Variants in TPI1 observed in about 807,000 individuals in gnomAD.
The protein encoded by TPI1 is triosephosphate isomerase.
In TPI1, 11 loss-of-function variants were observed where a neutral mutation model predicts 31.0. The observed-to-expected ratio is 0.36, with a 90% confidence interval of 0.22 to 0.59. TPI1 has a LOEUF of 0.59. TPI1 is among the 20% of genes least tolerant of loss of function. TPI1 has a pLI of 0.79. For synonymous variants in TPI1, 121 were observed against 122.8 expected (o/e 0.99, Z 0.10); for missense variants, 245 against 319.7 (o/e 0.77, Z 1.78).
chr12:6,868,803 A>G, intron 1 of TPI1, 61 bp from the exon 2 acceptor site: 1 of 1,574,002 alleles, frequency 6.4e-7, no homozygotes, highest in Non-Finnish European at 8.6e-7. Flanking sequence ...ACTGGTTAGG[A>G]ATTGTGGGGA....
At position 6,867,614 on chromosome 12, in the gene TPI1, C is replaced by A. The variant is rs1944485338; in HGVS notation, c.48C>A (p.Asn16Lys). ...KFFVGGNWKM[N>K]GRKQSLGELI... The stretch of plus-strand genomic sequence containing the variant: ...TCGTTGGGGGAAACTGGAAGATGAA[C>A]GGGCGGAAGCAGAGTCTGGGGGAGC... Residue 16 changes from asparagine (N) to lysine (K), a missense_variant, in exon 1 of 7, where the codon AAC becomes AAA. This residue lies in a region of TPI1 where 95 missense variants were observed against 96.4 expected (regional missense o/e 0.99). Transcript: ENST00000396705. The A allele has an allele frequency of 6.2e-7, 1 of 1,612,968 alleles. No homozygotes were observed.
chr12:6,868,096 C>G, intron 1 of TPI1: 2 of 1,264,498 alleles, frequency 1.6e-6, no homozygotes, highest in Middle Eastern at 3.4e-4. Context: ...CGCACGTAGC[C>G]CCAGACTCCT....
At position 6,870,517 on chromosome 12, in the gene TPI1, C is replaced by T. The variant is rs782308993; in HGVS notation, c.*134C>T. ...TCCTGTGGCCTCATCCAAACTGTAT[C>T]TTCCTTTACTGTTTATATCTTCACC... is the stretch of plus-strand genomic sequence containing the variant. On this transcript the variant is annotated 3_prime_UTR_variant, in exon 7 of 7. Coordinates refer to ENST00000396705, the MANE Select transcript of TPI1 (RefSeq NM_000365.6). The T allele has an allele frequency of 2.1e-5, 17 of 798,246 alleles. No homozygotes were observed. Among genetic ancestry groups the T allele is most frequent in the Non-Finnish European group, 3.2e-5 (14 of 436,280 alleles). 49.4% of individuals were successfully genotyped at this position (798,246 alleles called of 1,614,324 possible).
At chr12:6,869,623 G>T in intron 4 of TPI1, 65 bp from the exon 5 acceptor site, 1 of 1,590,248 alleles carries the variant, frequency 6.3e-7, no homozygotes, top group East Asian at 2.2e-5. Context: ...TTCGTACTCC[G>T]GAGAACCTGG....
upstream of TPI1, chr12:6,867,476 G>A (rs1344931620): frequency 6.5e-7 from 1 of 1,534,524 alleles, no homozygotes; most frequent in Non-Finnish European, 8.8e-7. Flanking sequence ...ACGGCGAGGA[G>A]GCGGAGTTCC....
At chr12:6,867,757 G>A in intron 1 of TPI1, 76 bp downstream of exon 1, 2 of 1,346,936 alleles carry the variant, frequency 1.5e-6, no homozygotes, top group African/African-American at 1.5e-5. Flanking sequence ...CCTCTCCCGA[G>A]GCCCCGAGGC....
chr12:6,870,127 A>G lies in TPI1; in HGVS notation c.622A>G (p.Ile208Val), dbSNP rs1335897607. The stretch of plus-strand genomic sequence containing the variant: ...TGCGGTGGCTCAGAGCACCCGTATC[A>G]TTTATGGAGGTGAGTGGCTTTGGTT... The part of the protein sequence containing the change: ...SDAVAQSTRI[I>V]YGGSVTGATC... Residue 208 changes from isoleucine to valine, a missense_variant, in exon 6 of 7, where the codon ATT becomes GTT. Ile to Val is a conservative substitution (Grantham distance 29). Around this residue, in one of 3 missense-constraint regions of TPI1, gnomAD observed 127 missense variants for 163.7 expected, o/e 0.78. Transcript: ENST00000396705. 6.2e-7 allele frequency: 1 copy of G among 1,614,144 alleles called. No homozygotes were observed. The highest frequency in any genetic ancestry group is 8.5e-7 in the Non-Finnish European group (1 of 1,179,978).
chr12:6,869,778 C>G lies in TPI1; in HGVS notation c.543+5C>G, dbSNP rs782153322. On this transcript the variant is annotated splice_donor_5th_base_variant and intron_variant, in intron 5 of 6. Transcript: ENST00000396705. The stretch of plus-strand genomic sequence containing the variant: ...AAGACTGCAACACCCCAACAGGTAA[C>G]CGGGCCCAGGAGCCCTGCCCTCATC... 1.3e-4 allele frequency: 214 copies of G among 1,614,018 alleles called. 1 individual carries two copies. In the East Asian group the frequency reaches 4.6e-3, roughly 35 times the overall value.
rs782436235 is a variant in TPI1 at position 6,870,436 on chromosome 12, G to A, written c.*53G>A. The A allele has an allele frequency of 2.2e-6, 3 of 1,387,262 alleles. No homozygotes were observed. Among genetic ancestry groups the A allele is most frequent in the East Asian group, 4.6e-5 (2 of 43,848 alleles). The allele number at this position is 1,387,262 out of a possible 1,614,324, so 85.9% of individuals were successfully genotyped here. A position where few individuals can be genotyped will look rare whatever the true frequency, so the allele number is the denominator to read the frequency against. ...GCCAAGCCAGGGACTAAGCAGCCCA[G>A]AAGCCCAGTAACTGCCCTTTCCCTG... On this transcript the variant is annotated 3_prime_UTR_variant, in exon 7 of 7. Transcript: ENST00000396705.
chr12:6,867,659 G>C lies in TPI1; in HGVS notation c.93G>C (p.Ala31=). The part of the protein sequence containing the change: ...SLGELIGTLN[A]AKVPADTEVV... ...GGGAGCTCATCGGCACTCTGAACGC[G>C]GCCAAGGTGCCGGCCGACACCGGTA... Residue 31 remains alanine (A), a synonymous_variant, in exon 1 of 7, where the codon GCG becomes GCC. Transcript: ENST00000396705. 1 of 1,610,496 alleles carries C rather than the reference G, an allele frequency of 6.2e-7. No individual in the cohort carries two copies. Among genetic ancestry groups the C allele is most frequent in the Non-Finnish European group, 8.5e-7 (1 of 1,178,828 alleles).
Position 6,867,562 on chromosome 12 carries a change from G to T in TPI1, c.-5G>T, listed in dbSNP as rs1829205916. On this transcript the variant is annotated 5_prime_UTR_variant, in exon 1 of 7. Transcript: ENST00000396705. ...ACTGACCTTCAGCGCCTCGGCTCCA[G>T]CGCCATGGCGCCCTCCAGGAAGTTC... is the stretch of plus-strand genomic sequence containing the variant. 3.1e-6 allele frequency: 5 copies of T among 1,611,990 alleles called. No individual in the cohort carries two copies. The highest frequency in any genetic ancestry group is 4.5e-5 in the East Asian group (2 of 44,850).
In TPI1 at chr12:6,868,866, G is replaced by T. The variant is rs782778927; in HGVS notation, c.118G>T (p.Val40Leu). ...NAAKVPADTEVVCAPPTAYID... is the reference protein window; with the variant it reads ...NAAKVPADTELVCAPPTAYID... ...CTGTGGTACCATCTTGTCCTCAGAG[G>T]TGGTTTGTGCTCCCCCTACTGCCTA... The change falls in exon 2 of 7, where the codon GTG becomes TTG. Residue 40 changes from valine (V) to leucine (L), a missense_variant and splice_region_variant. Val to Leu is a conservative substitution (Grantham distance 32, BLOSUM62 1). This residue lies in a region of TPI1 where 95 missense variants were observed against 96.4 expected (regional missense o/e 0.99). Coordinates refer to ENST00000396705, the MANE Select transcript of TPI1 (RefSeq NM_000365.6). The T allele has an allele frequency of 6.2e-7, 1 of 1,612,750 alleles. No homozygotes were observed. The highest frequency in any genetic ancestry group is 1.1e-5 in the South Asian group (1 of 90,908).
chr12:6,868,222 C>G, intron 1 of TPI1: 1 of 1,287,824 alleles, frequency 7.8e-7, no homozygotes, highest in Non-Finnish European at 1.0e-6. Context: ...CGGAAGGGAC[C>G]GAGCCCGTGC....
In TPI1 at chr12:6,870,934, G is replaced by T; in HGVS notation, c.*551G>T. 1.5e-6 allele frequency: 1 copy of T among 666,648 alleles called. No individual in the cohort carries two copies. Among genetic ancestry groups the T allele is most frequent in the Non-Finnish European group, 2.7e-6 (1 of 367,196 alleles). The allele number at this position is 666,648 out of a possible 1,614,324, so 41.3% of individuals were successfully genotyped here. A position where few individuals can be genotyped will look rare whatever the true frequency, so the allele number is the denominator to read the frequency against. On this transcript the variant is annotated 3_prime_UTR_variant, in exon 7 of 7. Transcript: ENST00000396705. ...AAGAAAAAAAAAAAAACAAGAACAG[G>T]TTTCTATAACAACATCTCTTACTAT...
At position 6,869,317 on chromosome 12, in the gene TPI1, TG is replaced by T; in HGVS notation, c.388del (p.Glu130ArgfsTer3). 1 of 1,613,948 alleles carries T rather than the reference TG, an allele frequency of 6.2e-7. No individual in the cohort carries two copies. On this transcript the variant is annotated frameshift_variant, in exon 4 of 7. Transcript: ENST00000396705. LOFTEE classifies it high-confidence loss of function. ...AEGLGVIACI[G>X]EKLDEREAGI... The stretch of plus-strand genomic sequence containing the variant: ...AGGGACTCGGAGTAATCGCCTGCAT[TG>T]GGGAGAAGCTAGATGAAAGGGAAGC...
rs782801396 is a variant in TPI1 at position 6,870,094 on chromosome 12, G to A, written c.589G>A (p.Val197Ile). 5.6e-6 allele frequency: 9 copies of A among 1,614,194 alleles called. No homozygotes were observed. The highest frequency in any genetic ancestry group is 5.0e-5 in the Admixed American group (3 of 60,028). Residue 197 changes from valine (V) to isoleucine (I), a missense_variant, in exon 6 of 7, where the codon GTC becomes ATC. By Grantham distance (29) the Val-to-Ile change is conservative (BLOSUM62 3). Transcript: ENST00000396705. ...GCTCCGAGGATGGCTGAAGTCCAACGTCTCTGATGCGGTGGCTCAGAGCAC... is the reference window on the plus strand; with the variant it reads ...GCTCCGAGGATGGCTGAAGTCCAACATCTCTGATGCGGTGGCTCAGAGCAC... ...EKLRGWLKSN[V>I]SDAVAQSTRI...
chr12:6,868,176 C>G (rs781944509), intron 1 of TPI1: 1 of 1,288,414 alleles, frequency 7.8e-7, no homozygotes, highest in South Asian at 1.2e-5. Flanking sequence ...GATCTGACCC[C>G]TTCCCTTCGG....
Position 6,867,988 on chromosome 12 carries a change from G to C in TPI1, c.115+307G>C, listed in dbSNP as rs947114240. 9.3e-6 allele frequency: 10 copies of C among 1,074,826 alleles called. No individual in the cohort carries two copies. In the Admixed American group the frequency reaches 2.2e-4, roughly 24 times the overall value. 66.6% of individuals were successfully genotyped at this position (1,074,826 alleles called of 1,614,324 possible). On this transcript the variant is annotated intron_variant, in intron 1 of 6. Coordinates refer to ENST00000396705, the MANE Select transcript of TPI1 (RefSeq NM_000365.6). ...GGGGCTGTGCCCGCCAGGCGACGGG[G>C]TTAGGAGCGGAGCCCGAGGCTCTGC...
At chr12:6,869,527 C>A in intron 4 of TPI1, 137 bp downstream of exon 4, 1 of 1,511,942 alleles carries the variant, frequency 6.6e-7, no homozygotes, top group Non-Finnish European at 9.2e-7. Flanking sequence ...ACAATCTTTG[C>A]TTGGGGCCTA....
Sources: allele counts gnomAD v4.1 joint callset, GRCh38; gene constraint gnomAD v4.1.1; regional missense constraint gnomAD v4.1.1; transcripts MANE v1.5; gene names NCBI Gene and HGNC (gene_info 2026-07-23, HGNC 2026-07-21).